PIBF1: variants seen among roughly 807,000 people sequenced by gnomAD.
PIBF1 encodes progesterone-induced-blocking factor 1.
Under a neutral mutation model 112.5 loss-of-function variants are expected in PIBF1, and 90 were observed. The observed-to-expected ratio is 0.80, with a 90% CI of 0.67 to 0.95. The LOEUF (loss-of-function observed/expected upper bound fraction) is 0.95, where lower values mean the gene tolerates loss of function less well. Among genes scored for constraint, PIBF1 ranks in the 40% least tolerant of loss-of-function variants. The pLI, the probability that PIBF1 is intolerant of heterozygous loss-of-function variation, is 0.00. For missense variants in PIBF1, 915 were observed against 852.3 expected (o/e 1.07, Z -0.92); for synonymous variants, 301 against 288.6 (o/e 1.04, Z -0.44).
intron 13 of PIBF1, among the ~76,000 whole-genome samples, chr13:72,925,504 T>C (rs1229149600): frequency 6.6e-6 from 1 of 151,862 alleles, no homozygotes; most frequent in Non-Finnish European, 1.5e-5. Flanking sequence ...TTCTGCAGAT[T>C]GTCTTTTCAC....
intron 10 of PIBF1, among the ~76,000 whole-genome samples, chr13:72,873,594 G>T (rs58627928): frequency 0.019 from 2,844 of 152,046 alleles, 87 homozygotes; most frequent in African/African-American, 0.064. Context: ...TAGAGGCGAG[G>T]TTTCACCATG....
chr13:72,859,348 A>G (rs1043732871), intron 10 of PIBF1, among the ~76,000 whole-genome samples: 1 of 152,156 alleles, frequency 6.6e-6, no homozygotes, highest in East Asian at 1.9e-4. Flanking sequence ...CTTTTAAACA[A>G]TATGGGGAAA....
intron 5 of PIBF1, among the ~76,000 whole-genome samples, chr13:72,817,528 A>G (rs550407282): frequency 6.6e-6 from 1 of 152,164 alleles, no homozygotes; most frequent in Admixed American, 6.5e-5. Flanking sequence ...AACCTTCTAT[A>G]TAATAGGCAG....
chr13:72,907,939 A>G (rs1443484623), intron 11 of PIBF1, among the ~76,000 whole-genome samples: 1 of 152,162 alleles, frequency 6.6e-6, no homozygotes, highest in East Asian at 1.9e-4. Flanking sequence ...TCCAATTTCC[A>G]TGCCCTTTGC....
chr13:72,922,151 AT>A (rs374968042), intron 13 of PIBF1, among the ~76,000 whole-genome samples: 18 of 151,538 alleles, frequency 1.2e-4, no homozygotes, highest in Admixed American at 1.1e-3. Context: ...TTTATTTTTT[AT>A]TTTTTTGTAG....
chr13:72,952,675 G>A (rs576524840), intron 14 of PIBF1, among the ~76,000 whole-genome samples: 2 of 148,660 alleles, frequency 1.3e-5, no homozygotes, highest in African/African-American at 5.0e-5. Flanking sequence ...TTGGGGATGT[G>A]ACTTTATGGT....
chr13:72,848,055 A>G (rs560381860), intron 9 of PIBF1, among the ~76,000 whole-genome samples: 33 of 152,210 alleles, frequency 2.2e-4, no homozygotes, highest in Admixed American at 3.3e-4. Context: ...AGACAGAGGG[A>G]AGAGTTTGGA....
chr13:72,961,024 T>G (rs2042589680), intron 14 of PIBF1, among the ~76,000 whole-genome samples: 1 of 151,528 alleles, frequency 6.6e-6, no homozygotes, highest in African/African-American at 2.4e-5. Flanking sequence ...CTTTCACTAT[T>G]CATTTCCTTC....
intron 5 of PIBF1, among the ~76,000 whole-genome samples, chr13:72,812,443 G>C (rs1159269128): frequency 6.6e-6 from 1 of 151,980 alleles, no homozygotes; most frequent in Non-Finnish European, 1.5e-5. Flanking sequence ...AAAAACAGTA[G>C]TCAACTGTCC....
chr13:72,914,055 A>G (rs2040995857), intron 12 of PIBF1, among the ~76,000 whole-genome samples: 1 of 152,182 alleles, frequency 6.6e-6, no homozygotes. Context: ...TTTTAGTACT[A>G]CATTGTGTAC....
chr13:72,927,409 CAGG>C (rs2041522134), intron 13 of PIBF1, among the ~76,000 whole-genome samples: 1 of 152,090 alleles, frequency 6.6e-6, no homozygotes, highest in Non-Finnish European at 1.5e-5. Context: ...GAGGCTGAGA[CAGG>C]AGAATGGCGC....
chr13:72,946,522 T>C (rs2042152839), intron 14 of PIBF1, among the ~76,000 whole-genome samples: 1 of 152,164 alleles, frequency 6.6e-6, no homozygotes, highest in African/African-American at 2.4e-5. Context: ...TCTTAACTCT[T>C]TCCAACATTA....
intron 12 of PIBF1, 96 bp downstream of exon 12, chr13:72,908,777 G>T: frequency 9.0e-7 from 1 of 1,114,200 alleles, no homozygotes; most frequent in Non-Finnish European, 1.3e-6. Context: ...GATCAGGCAC[G>T]GTGGCTCATG....
chr13:72,963,827 A>G (rs547882574), intron 14 of PIBF1, among the ~76,000 whole-genome samples: 20 of 152,310 alleles, frequency 1.3e-4, no homozygotes, highest in African/African-American at 4.1e-4. Flanking sequence ...TATGCACATG[A>G]AATAATGTGC....
At chr13:72,818,315 C>G (rs899209560) in intron 5 of PIBF1, among the ~76,000 whole-genome samples, 3 of 152,118 alleles carry the variant, frequency 2.0e-5, no homozygotes, top group Admixed American at 1.3e-4. Context: ...TTAATGAAAG[C>G]CTTGCTCTAG....
chr13:72,959,500 A>G (rs925008305), intron 14 of PIBF1, among the ~76,000 whole-genome samples: 7 of 152,314 alleles, frequency 4.6e-5, no homozygotes, highest in Admixed American at 4.6e-4. Context: ...TATAGACAGA[A>G]AGCAACTCAA....
At chr13:72,855,104 G>A (rs553161377) in intron 10 of PIBF1, among the ~76,000 whole-genome samples, 46 of 152,000 alleles carry the variant, frequency 3.0e-4, no homozygotes, top group African/African-American at 8.2e-4. Context: ...AAATTTCTGC[G>A]TACCGTTCAC....
intron 9 of PIBF1, among the ~76,000 whole-genome samples, chr13:72,841,291 G>T (rs1243875028): frequency 1.3e-5 from 2 of 152,202 alleles, no homozygotes; most frequent in Non-Finnish European, 2.9e-5. Context: ...TTCTTGCTTA[G>T]TAGGTATTAT....
intron 9 of PIBF1, among the ~76,000 whole-genome samples, chr13:72,842,006 A>G (rs2037632431): frequency 6.6e-6 from 1 of 152,194 alleles, no homozygotes; most frequent in South Asian, 2.1e-4. Flanking sequence ...TTATCATTAG[A>G]AGATACTAAT....
Sources: gnomAD v4.1 joint callset for allele counts (sites outside exome capture counted in the v4.1 genomes callset) on GRCh38, gnomAD v4.1.1 for gene constraint, MANE v1.5 for transcripts, NCBI Gene and HGNC (gene_info 2026-07-23, HGNC 2026-07-21) for gene names.